PRUNE2: variants seen among roughly 807,000 people sequenced by gnomAD.
PRUNE2 encodes the protein protein prune homolog 2.
Under a neutral mutation model 252.0 loss-of-function variants are expected in PRUNE2, and 164 were observed. The observed-to-expected ratio is 0.65, with a 90% CI of 0.57 to 0.74. The LOEUF is 0.74. Among genes scored for constraint, PRUNE2 ranks in the 30% least tolerant of loss-of-function variants. The pLI is 0.00. For synonymous variants in PRUNE2, 1,292 were observed against 1,350.2 expected, an observed-to-expected ratio of 0.96 and a Z score of 0.94; for missense variants, 3,495 against 3,711.0, an observed-to-expected ratio of 0.94 and a Z score of 1.51.
chr9:76,667,096 A>C (rs1243009700), intron 9 of PRUNE2, among the ~76,000 whole-genome samples: 1 of 152,248 alleles, frequency 6.6e-6, no homozygotes, highest in Non-Finnish European at 1.5e-5. Flanking sequence ...TAAGAAGTTT[A>C]GCTTTTGTCA....
At chr9:76,754,394 A>G (rs527896603) in intron 6 of PRUNE2, among the ~76,000 whole-genome samples, 112 of 152,344 alleles carry the variant, frequency 7.4e-4, no homozygotes, top group Non-Finnish European at 1.2e-3. Flanking sequence ...CTAACTTCAC[A>G]GAAACATTCT....
chr9:76,750,713 T>A (rs2050535015), intron 6 of PRUNE2, among the ~76,000 whole-genome samples: 1 of 152,202 alleles, frequency 6.6e-6, no homozygotes, highest in African/African-American at 2.4e-5. Flanking sequence ...ACTAAGGCAG[T>A]CGCAGTGGGA....
In PRUNE2 at chr9:76,713,720, T is replaced by C. The variant is rs1257362888; in HGVS notation, c.758A>G (p.Asn253Ser). 4 of 1,587,418 alleles carry C rather than the reference T, an allele frequency of 2.5e-6. No individual in the cohort carries two copies. In the South Asian group the frequency reaches 3.5e-5, roughly 14 times the overall value. Residue 253 changes from asparagine to serine, a missense_variant and splice_region_variant, in exon 7 of 19, where the codon AAT becomes AGT. Coordinates refer to ENST00000376718, the MANE Select transcript of PRUNE2 (RefSeq NM_015225.3). ...AISTVSMNLE[N>S]CLFHSNITSD... is the part of the protein sequence containing the mutation. ...GGTAATATTGCTGTGAAATAGACAA[T>C]TCTGAAACGACAACAGGAAATTTGA...
intron 14 of PRUNE2, 115 bp downstream of exon 14, chr9:76,637,303 A>G: frequency 2.0e-6 from 2 of 1,007,602 alleles, no homozygotes; most frequent in Middle Eastern, 2.2e-4. Flanking sequence ...ATTTGATCTT[A>G]TTGAGACTTG....
At chr9:76,769,128 C>A (rs751052270) in intron 6 of PRUNE2, among the ~76,000 whole-genome samples, 28 of 152,124 alleles carry the variant, frequency 1.8e-4, no homozygotes, top group Non-Finnish European at 3.4e-4. Context: ...TTATGGTACT[C>A]ATATATGGGT....
intron 6 of PRUNE2, among the ~76,000 whole-genome samples, chr9:76,714,958 T>G (rs932024296): frequency 6.6e-6 from 1 of 152,240 alleles, no homozygotes; most frequent in African/African-American, 2.4e-5. Context: ...ATTCATCAAC[T>G]GACAGTCTAT....
intron 9 of PRUNE2, among the ~76,000 whole-genome samples, chr9:76,676,282 T>A (rs921801825): frequency 8.0e-5 from 12 of 150,776 alleles, no homozygotes; most frequent in African/African-American, 2.9e-4. Flanking sequence ...TTTTTTTTTT[T>A]AACAAAAATG....
At chr9:76,632,090 A>C (rs1281014964) in intron 15 of PRUNE2, among the ~76,000 whole-genome samples, 3 of 152,206 alleles carry the variant, frequency 2.0e-5, no homozygotes, top group Non-Finnish European at 2.9e-5. Flanking sequence ...TATTGTGAAT[A>C]GTGCTGCGAT....
intron 9 of PRUNE2, among the ~76,000 whole-genome samples, chr9:76,684,026 A>T (rs1201444329): frequency 6.6e-6 from 1 of 152,006 alleles, no homozygotes; most frequent in African/African-American, 2.4e-5. Flanking sequence ...ATATATTTAC[A>T]CTGTAGAATG....
chr9:76,863,879 C>T (rs757520644), intron 1 of PRUNE2, among the ~76,000 whole-genome samples: 3 of 152,182 alleles, frequency 2.0e-5, no homozygotes, highest in Non-Finnish European at 4.4e-5. Context: ...CGGAAAGCAG[C>T]TTGGAGATTT....
intron 1 of PRUNE2, among the ~76,000 whole-genome samples, chr9:76,883,650 A>C (rs1342076121): frequency 6.6e-6 from 1 of 152,222 alleles, no homozygotes; most frequent in Non-Finnish European, 1.5e-5. Flanking sequence ...AATTTCAGAC[A>C]CAAGGAGGCA....
chr9:76,846,796 G>A (rs1310696379), intron 3 of PRUNE2, 118 bp from the exon 4 acceptor site: 11 of 737,440 alleles, frequency 1.5e-5, no homozygotes, highest in Admixed American at 5.1e-5. Flanking sequence ...AAAAATATGA[G>A]GGAACTCACA....
In PRUNE2 at chr9:76,710,476, T is replaced by C. The variant is rs746533738; in HGVS notation, c.1798A>G (p.Arg600Gly). 5.0e-6 allele frequency: 8 copies of C among 1,614,020 alleles called. No homozygotes were observed. The highest frequency in any genetic ancestry group is 6.8e-6 in the Non-Finnish European group (8 of 1,179,894). Reference sequence around the variant, plus strand: ...ATCCTCTTTCCAGTATTTTTTAGCCTTTCTGGGGAAGGGGATTCATCTCCC... The same window carrying C: ...ATCCTCTTTCCAGTATTTTTTAGCCCTTCTGGGGAAGGGGATTCATCTCCC... ...FVGDESPSPE[R>G]LKNTGKRIPP... is the part of the protein sequence containing the mutation. The change falls in exon 8 of 19, where the codon AGG becomes GGG. Residue 600 changes from arginine to glycine, a missense_variant. By Grantham distance (125) the Arg-to-Gly change is moderately radical. Transcript: ENST00000376718.
chr9:76,793,237 TTAAG>T (rs2055731463), intron 6 of PRUNE2, among the ~76,000 whole-genome samples: 1 of 151,878 alleles, frequency 6.6e-6, no homozygotes. Context: ...ATACAAAGAG[TTAAG>T]TAAATAATGT....
At chr9:76,700,167 AGATTT>A (rs2134681674) in intron 9 of PRUNE2, 1 of 152,366 alleles carries the variant, frequency 6.6e-6, no homozygotes, top group South Asian at 2.1e-4. Flanking sequence ...ATGCTTTCTC[AGATTT>A]TCAAAATGTG....
intron 9 of PRUNE2, chr9:76,692,328 G>A (rs2044854035): frequency 1.9e-6 from 1 of 536,380 alleles, no homozygotes. Context: ...TTTCACCCAC[G>A]TTGTGGAGTC....
At chr9:76,738,379 C>A (rs1011510308) in intron 6 of PRUNE2, 1 of 152,080 alleles carries the variant, frequency 6.6e-6, no homozygotes, top group Non-Finnish European at 1.5e-5. Flanking sequence ...AGCAGGGCAC[C>A]ATACAAGGCT....
chr9:76,697,343 C>T (rs1020975746), intron 9 of PRUNE2, among the ~76,000 whole-genome samples: 2 of 152,158 alleles, frequency 1.3e-5, no homozygotes, highest in Non-Finnish European at 2.9e-5. Context: ...CCACAAAATA[C>T]CACACCTATA....
intron 5 of PRUNE2, among the ~76,000 whole-genome samples, chr9:76,825,062 G>T (rs2058265263): frequency 6.6e-6 from 1 of 152,018 alleles, no homozygotes; most frequent in Non-Finnish European, 1.5e-5. Flanking sequence ...CACCCAGCAT[G>T]ATGCTCCACC....
Sources: allele counts gnomAD v4.1 joint callset (sites outside exome capture counted in the v4.1 genomes callset), GRCh38; gene constraint gnomAD v4.1.1; transcripts MANE v1.5; gene names NCBI Gene and HGNC (gene_info 2026-07-23, HGNC 2026-07-21).